BAG3: variants seen among roughly 807,000 people sequenced by gnomAD.
BAG3 encodes BAG cochaperone 3.
BAG3 carries 14 observed loss-of-function variants against 40.5 expected under a neutral mutation model. The observed-to-expected ratio is 0.35, with a 90% CI of 0.23 to 0.54. The LOEUF is 0.54. Among genes scored for constraint, BAG3 ranks in the 20% least tolerant of loss-of-function variants. BAG3 has a pLI of 0.91. For missense variants in BAG3, 788 were observed against 758.6 expected, an observed-to-expected ratio of 1.04 and a Z score of -0.46; for synonymous variants, 302 against 307.8, an observed-to-expected ratio of 0.98 and a Z score of 0.20.
At chr10:119,666,607 T>C (rs201870749) in intron 1 of BAG3, among the ~76,000 whole-genome samples, 15 of 29,988 alleles carry the variant, frequency 5.0e-4, no homozygotes, top group South Asian at 1.3e-3. Flanking sequence ...GCGAGATGCA[T>C]GAGGTGCTCA....
Position 119,672,749 on chromosome 10 carries a change from C to G in BAG3, c.909+93C>G. 6.4e-7 allele frequency: 1 copy of G among 1,560,430 alleles called. No individual in the cohort carries two copies. Among genetic ancestry groups the G allele is most frequent in the Non-Finnish European group, 8.7e-7 (1 of 1,147,790 alleles). On this transcript the variant is annotated intron_variant, in intron 3 of 3. Transcript: ENST00000369085. This position sits in a 1 kb window ranked among gnomAD's most constrained non-coding sequence, Gnocchi z 4.8. Reference sequence around the variant, plus strand: ...GGTGCCCTGGGTTCCCCCTTCATCCCTGCCTATTTAACATGCGTGTACCTA... The same window carrying G: ...GGTGCCCTGGGTTCCCCCTTCATCCGTGCCTATTTAACATGCGTGTACCTA...
intron 1 of BAG3, among the ~76,000 whole-genome samples, chr10:119,658,096 T>C (rs1323547964): frequency 6.6e-6 from 1 of 152,270 alleles, no homozygotes. Context: ...AAACGTTTGC[T>C]GTTTTAAAGT....
intron 1 of BAG3, among the ~76,000 whole-genome samples, chr10:119,655,659 G>A (rs1300061338): frequency 6.6e-6 from 1 of 152,158 alleles, no homozygotes; most frequent in Non-Finnish European, 1.5e-5. Flanking sequence ...TGCAGTTGTG[G>A]CTGAGCAAGT....
chr10:119,659,239 A>G (rs903278611), intron 1 of BAG3, among the ~76,000 whole-genome samples: 23 of 152,190 alleles, frequency 1.5e-4, no homozygotes, highest in African/African-American at 5.5e-4. Context: ...TCCTCTGCCC[A>G]AGATAGGCTG....
In BAG3 at chr10:119,651,784, C is replaced by T. The variant is rs764177199; in HGVS notation, c.109C>T (p.Pro37Ser). 29 of 1,602,346 alleles carry T rather than the reference C, an allele frequency of 1.8e-5. No homozygotes were observed. The highest frequency in any genetic ancestry group is 2.4e-5 in the Non-Finnish European group (28 of 1,175,132). ...CAAGATCGACCCGCAGACCGGCTGG[C>T]CCTTCTTCGTGGACCACAACAGCCG... is the stretch of plus-strand genomic sequence containing the variant. The part of the protein sequence containing the change: ...EIKIDPQTGW[P>S]FFVDHNSRTT... The change falls in exon 1 of 4, where the codon CCC becomes TCC. Residue 37 changes from proline (P) to serine (S), a missense_variant. Transcript: ENST00000369085.
chr10:119,652,449 A>ATG (rs754977358), intron 1 of BAG3, among the ~76,000 whole-genome samples: 58 of 152,248 alleles, frequency 3.8e-4, no homozygotes, highest in South Asian at 8.3e-4. Context: ...TCATATATAT[A>ATG]TGTGTGTGTG....
At chr10:119,655,051 G>A (rs926724734) in intron 1 of BAG3, among the ~76,000 whole-genome samples, 2 of 152,216 alleles carry the variant, frequency 1.3e-5, no homozygotes, top group African/African-American at 2.4e-5. Context: ...TGGTGGTTCT[G>A]ATTCTGCTGC....
In BAG3 at chr10:119,665,092, T is replaced by TCTG. The variant is rs34372634; in HGVS notation, c.181-4759_181-4758insCTG. On this transcript the variant is annotated intron_variant, in intron 1 of 3. Transcript: ENST00000369085. ...GCCACCACACACAGCTAATTTTTGTTTGTGTGTGTGTGTGTGTGTGTGTGT... is the reference window on the plus strand; with the variant it reads ...GCCACCACACACAGCTAATTTTTGTTCTGTGTGTGTGTGTGTGTGTGTGTGTGT... 7.5e-3 allele frequency among the ~76,000 whole-genome samples: 657 copies of TCTG among 87,844 alleles called. 8 individuals are homozygous for TCTG. Among genetic ancestry groups the TCTG allele is most frequent in the Middle Eastern group, 0.02 (3 of 150 alleles). 57.6% of individuals were successfully genotyped at this position (87,844 alleles called of 152,430 possible). A position where few individuals can be genotyped will look rare whatever the true frequency, so the allele number is the denominator to read the frequency against.
At chr10:119,659,064 C>A (rs146092133) in intron 1 of BAG3, among the ~76,000 whole-genome samples, 1 of 152,108 alleles carries the variant, frequency 6.6e-6, no homozygotes, top group Non-Finnish European at 1.5e-5. Flanking sequence ...TAGCTGACTC[C>A]CCCGACCAGT....
At position 119,665,126 on chromosome 10, in the gene BAG3, G is replaced by A. The variant is rs12260636; in HGVS notation, c.181-4725G>A. Among the ~76,000 whole-genome samples, 113 of 39,124 alleles carry A rather than the reference G, an allele frequency of 2.9e-3. 1 individual carries two copies. The highest frequency in any genetic ancestry group is 0.014 in the East Asian group (33 of 2,348). 25.7% of individuals were successfully genotyped at this position (39,124 alleles called of 152,430 possible). A position where few individuals can be genotyped will look rare whatever the true frequency, so the allele number is the denominator to read the frequency against. On this transcript the variant is annotated intron_variant, in intron 1 of 3. Coordinates refer to ENST00000369085, the MANE Select transcript of BAG3 (RefSeq NM_004281.4). ...TGTGTGTGTGTGTGTGTGTGTGTGT[G>A]TATATATATATATATATATTTTTTT...
At chr10:119,652,288 C>A (rs778311668) in intron 1 of BAG3, among the ~76,000 whole-genome samples, 1 of 152,200 alleles carries the variant, frequency 6.6e-6, no homozygotes. Flanking sequence ...GCGCACCCTG[C>A]TGACCGCGGA....
In BAG3 at chr10:119,676,612, A is replaced by G. The variant is rs764432849; in HGVS notation, c.1058A>G (p.Gln353Arg). The G allele has an allele frequency of 4.3e-6, 7 of 1,614,024 alleles. No individual in the cohort carries two copies. The highest frequency in any genetic ancestry group is 1.1e-5 in the South Asian group (1 of 91,082). Residue 353 changes from glutamine (Q) to arginine (R), a missense_variant, in exon 4 of 4, where the codon CAG (glutamine) becomes CGG (arginine). By Grantham distance (43) the Gln-to-Arg change is conservative. Coordinates refer to ENST00000369085, the MANE Select transcript of BAG3 (RefSeq NM_004281.4). ...GAGGTGGATTCTAAACCTGTTTCCC[A>G]GAAGCCCCCACCTCCCTCTGAGAAG... ...RKEVDSKPVSQKPPPPSEKVE... is the reference protein window; with the variant it reads ...RKEVDSKPVSRKPPPPSEKVE...
rs1345309132 is a variant in BAG3, at chr10:119,672,614, C to T, written c.867C>T (p.Ser289=). Residue 289 remains serine, a synonymous_variant, in exon 3 of 4, where the codon TCC becomes TCT. Transcript: ENST00000369085. The surrounding 1 kb of genome is among the most constrained non-coding windows in gnomAD (Gnocchi z 4.8). The part of the protein sequence containing the change: ...SPARSSTPLH[S]PSPIRVHTVV... ...CCAGGAGCAGCACGCCACTCCACTC[C>T]CCCTCGCCCATCCGTGTGCACACCG... 2 of 1,614,070 alleles carry T rather than the reference C, an allele frequency of 1.2e-6. No homozygotes were observed. The highest frequency in any genetic ancestry group is 2.2e-5 in the East Asian group (1 of 44,868).
chr10:119,665,133 TATA>T (rs1564771790), intron 1 of BAG3, among the ~76,000 whole-genome samples: 22 of 73,100 alleles, frequency 3.0e-4, no homozygotes, highest in African/African-American at 6.0e-4. Flanking sequence ...TGTGTATATA[TATA>T]TATATATATT....
At chr10:119,671,836 T>G (rs947181715) in intron 2 of BAG3, among the ~76,000 whole-genome samples, 2 of 152,212 alleles carry the variant, frequency 1.3e-5, no homozygotes, top group African/African-American at 2.4e-5. Flanking sequence ...TTGCCCAGAC[T>G]GGAGTGCAGT....
At chr10:119,667,227 T>G (rs899042838) in intron 1 of BAG3, among the ~76,000 whole-genome samples, 1 of 152,184 alleles carries the variant, frequency 6.6e-6, no homozygotes, top group African/African-American at 2.4e-5. Flanking sequence ...TCTGCCCGCC[T>G]TAGCCTCCCA....
intron 1 of BAG3, among the ~76,000 whole-genome samples, chr10:119,658,379 CG>C (rs1564769262): frequency 6.6e-6 from 1 of 152,206 alleles, no homozygotes; most frequent in Non-Finnish European, 1.5e-5. Flanking sequence ...CGCTCCATGC[CG>C]GGCGTCCCTG....
chr10:119,662,216 T>TTG (rs1847001687), intron 1 of BAG3, among the ~76,000 whole-genome samples: 3 of 39,782 alleles, frequency 7.5e-5, no homozygotes, highest in Admixed American at 2.4e-4. Flanking sequence ...CCTGGCTATG[T>TTG]TTTTTTTTTG....
At chr10:119,675,513 C>A (rs563865356) in intron 3 of BAG3, among the ~76,000 whole-genome samples, 1 of 152,148 alleles carries the variant, frequency 6.6e-6, no homozygotes, top group Non-Finnish European at 1.5e-5. Flanking sequence ...TAAAAAAATA[C>A]ATTGGTCTGG....
Sources: allele counts gnomAD v4.1 joint callset (sites outside exome capture counted in the v4.1 genomes callset), GRCh38; gene constraint gnomAD v4.1.1; non-coding constraint Gnocchi (gnomAD v3.1); transcripts MANE v1.5; gene names NCBI Gene and HGNC (gene_info 2026-07-23, HGNC 2026-07-21).